DOCK9: variants seen among roughly 807,000 people sequenced by gnomAD.
DOCK9 encodes the protein dedicator of cytokinesis 9.
DOCK9 carries 89 observed loss-of-function variants against 263.3 expected under a neutral mutation model. That is an observed-to-expected ratio of 0.34 (90% CI 0.28 to 0.40). The LOEUF (loss-of-function observed/expected upper bound fraction) is 0.40, where lower values mean the gene tolerates loss of function less well. Among genes scored for constraint, DOCK9 ranks in the 10% least tolerant of loss-of-function variants. The pLI, the probability that DOCK9 is intolerant of heterozygous loss-of-function variation, is 1.00. For synonymous variants in DOCK9, 976 were observed against 973.1 expected (o/e 1.00, Z -0.06); for missense variants, 2,140 against 2,603.4 (o/e 0.82, Z 3.87).
intron 33 of DOCK9, chr13:98,857,104 G>C (rs1594725662): frequency 6.6e-6 from 1 of 152,330 alleles, no homozygotes; most frequent in Non-Finnish European, 1.5e-5. Context: ...CTTTGGACTT[G>C]TACATTCCGT....
intron 2 of DOCK9, among the ~76,000 whole-genome samples, chr13:98,953,076 A>C (rs1244830942): frequency 6.6e-6 from 1 of 152,248 alleles, no homozygotes; most frequent in African/African-American, 2.4e-5. Flanking sequence ...CCAGCTAATT[A>C]GACAGTTAAT....
intron 38 of DOCK9, among the ~76,000 whole-genome samples, chr13:98,843,897 T>C (rs1178301881): frequency 6.6e-6 from 1 of 152,238 alleles, no homozygotes; most frequent in Non-Finnish European, 1.5e-5. Context: ...ATGTGGACCA[T>C]TCATTTAATT....
At chr13:98,831,226 G>T in intron 41 of DOCK9, 122 bp downstream of exon 41, 1 of 1,165,828 alleles carries the variant, frequency 8.6e-7, no homozygotes, top group Non-Finnish European at 1.2e-6. Flanking sequence ...TGGCTTCCCA[G>T]TTTTCCAGAT....
In DOCK9 at chr13:98,855,910, A is replaced by C. The variant is rs747020032; in HGVS notation, c.3819T>G (p.Asn1273Lys). ...SLPERNSEKS[N>K]SLDKHQQSST... ...GAAAAGCAATTACCTTATCCAGGGA[A>C]TTGCTCTTCTCACTATTCCTTTCTG... The change falls in exon 34 of 53, where the codon AAT becomes AAG. Residue 1273 changes from asparagine to lysine, a missense_variant. By Grantham distance (94) the Asn-to-Lys change is moderately conservative. This residue lies in a region of DOCK9 where 1,521 missense variants were observed against 1,741.7 expected (regional missense o/e 0.87). Transcript: ENST00000682017. The C allele has an allele frequency of 6.2e-7, 1 of 1,613,950 alleles. No individual in the cohort carries two copies. Among genetic ancestry groups the C allele is most frequent in the East Asian group, 2.2e-5 (1 of 44,878 alleles).
At chr13:98,954,353 C>A (rs1263832659) in intron 2 of DOCK9, among the ~76,000 whole-genome samples, 1 of 152,090 alleles carries the variant, frequency 6.6e-6, no homozygotes, top group East Asian at 1.9e-4. Flanking sequence ...AAAGAAGTGC[C>A]AGGATCAGGT....
intron 1 of DOCK9, among the ~76,000 whole-genome samples, chr13:98,977,372 C>A (rs1482170951): frequency 6.6e-6 from 1 of 152,172 alleles, no homozygotes; most frequent in Non-Finnish European, 1.5e-5. Flanking sequence ...TTAAAACCCC[C>A]AATGGGACCT....
intron 2 of DOCK9, among the ~76,000 whole-genome samples, chr13:98,932,545 C>T (rs1254214523): frequency 1.3e-5 from 2 of 152,206 alleles, no homozygotes; most frequent in Admixed American, 6.5e-5. Flanking sequence ...CAGCATTGGT[C>T]CTGGCAGTTT....
At chr13:98,820,333 G>A (rs565276153) in intron 45 of DOCK9, among the ~76,000 whole-genome samples, 9 of 152,210 alleles carry the variant, frequency 5.9e-5, no homozygotes, top group African/African-American at 1.2e-4. Flanking sequence ...ACAGCAAACC[G>A]CCAACAAAAT....
chr13:98,984,152 T>C (rs1190186932), intron 1 of DOCK9, among the ~76,000 whole-genome samples: 2 of 152,136 alleles, frequency 1.3e-5, no homozygotes, highest in African/African-American at 2.4e-5. Context: ...CCTTCACTCA[T>C]AGAACAAGGA....
At chr13:99,027,805 T>C (rs563422861) in intron 1 of DOCK9, among the ~76,000 whole-genome samples, 1 of 152,242 alleles carries the variant, frequency 6.6e-6, no homozygotes, top group Non-Finnish European at 1.5e-5. Context: ...GGCCTACAAT[T>C]TGAAAAACCA....
intron 30 of DOCK9, chr13:98,867,205 T>C (rs527366642): frequency 1.4e-5 from 8 of 574,480 alleles, no homozygotes; most frequent in Middle Eastern, 5.3e-4. Flanking sequence ...TTCAATGAAA[T>C]AGCCATACTG....
chr13:98,901,753 C>G, intron 13 of DOCK9, 25 bp downstream of exon 13: 1 of 1,608,290 alleles, frequency 6.2e-7, no homozygotes. Flanking sequence ...TTTTTACCAC[C>G]CCAAAGCGTA....
intron 45 of DOCK9, among the ~76,000 whole-genome samples, chr13:98,821,465 C>T (rs2092270630): frequency 6.6e-6 from 1 of 152,222 alleles, no homozygotes; most frequent in Non-Finnish European, 1.5e-5. Context: ...TAAACCCTCT[C>T]TGAACTTTTA....
chr13:98,943,968 C>T (rs2056343987), intron 2 of DOCK9, among the ~76,000 whole-genome samples: 1 of 152,184 alleles, frequency 6.6e-6, no homozygotes, highest in Non-Finnish European at 1.5e-5. Flanking sequence ...CTGTTGATTA[C>T]CTTTAATATC....
intron 1 of DOCK9, among the ~76,000 whole-genome samples, chr13:99,061,306 CATTTT>C (rs1014267857): frequency 2.0e-5 from 3 of 152,184 alleles, no homozygotes; most frequent in East Asian, 1.9e-4. Flanking sequence ...CCCAAAAAAA[CATTTT>C]ATTTTACTTT....
chr13:98,960,299 T>C (rs974976891), intron 1 of DOCK9, among the ~76,000 whole-genome samples: 3 of 152,182 alleles, frequency 2.0e-5, no homozygotes, highest in African/African-American at 4.8e-5. Flanking sequence ...TGAGAATTCA[T>C]GAGTTTGAAT....
At chr13:98,985,075 G>A (rs375158499) in intron 1 of DOCK9, among the ~76,000 whole-genome samples, 1 of 149,334 alleles carries the variant, frequency 6.7e-6, no homozygotes, top group Non-Finnish European at 1.5e-5. Flanking sequence ...TGGGGGCAGG[G>A]GGGTGGGCAG....
chr13:98,897,137 G>A (rs538518824), intron 15 of DOCK9, among the ~76,000 whole-genome samples: 1 of 152,084 alleles, frequency 6.6e-6, no homozygotes, highest in East Asian at 1.9e-4. Context: ...TCTTTGGCAC[G>A]ACTTGAATTT....
intron 47 of DOCK9, chr13:98,809,080 A>G: frequency 6.5e-7 from 1 of 1,538,374 alleles, no homozygotes; most frequent in Non-Finnish European, 8.7e-7. Flanking sequence ...ACACTGAAGT[A>G]CCAAAGATGT....
Sources: allele counts gnomAD v4.1 joint callset (sites outside exome capture counted in the v4.1 genomes callset), GRCh38; gene constraint gnomAD v4.1.1; regional missense constraint gnomAD v4.1.1; transcripts MANE v1.5; gene names NCBI Gene and HGNC (gene_info 2026-07-23, HGNC 2026-07-21).